NRXN3: variants seen among roughly 807,000 people sequenced by gnomAD.
NRXN3 encodes neurexin III.
Under a neutral mutation model 137.6 loss-of-function variants are expected in NRXN3, and 32 were observed. The observed-to-expected ratio is 0.23, with a 90% confidence interval of 0.18 to 0.31. The LOEUF (loss-of-function observed/expected upper bound fraction) is 0.31, where lower values mean the gene tolerates loss of function less well. Among genes scored for constraint, NRXN3 ranks in the 10% least tolerant of loss-of-function variants. The probability of loss-of-function intolerance (pLI) is 1.00; values close to 1 mark genes in which losing one functional copy is unlikely to be tolerated. For synonymous variants in NRXN3, 798 were observed against 784.5 expected (o/e 1.02, Z -0.29); for missense variants, 1,574 against 2,062.5 (o/e 0.76, Z 4.59).
chr14:78,837,096 TGA>T (rs1400573415), intron 10 of NRXN3, among the ~76,000 whole-genome samples: 1 of 152,216 alleles, frequency 6.6e-6, no homozygotes, highest in African/African-American at 2.4e-5. Context: ...GAGATTAGTG[TGA>T]GAGGCTACAG....
intron 19 of NRXN3, among the ~76,000 whole-genome samples, chr14:79,799,618 C>T (rs781475547): frequency 6.6e-6 from 1 of 152,072 alleles, no homozygotes; most frequent in Non-Finnish European, 1.5e-5. Flanking sequence ...ATAAATAAAC[C>T]GTGTTTTAGA....
intron 6 of NRXN3, among the ~76,000 whole-genome samples, chr14:78,699,046 T>C (rs548293163): frequency 6.6e-6 from 1 of 152,098 alleles, no homozygotes; most frequent in Non-Finnish European, 1.5e-5. Context: ...GTGTCAGGCA[T>C]TGAGAGATAC....
At chr14:78,843,446 T>A (rs1445652986) in intron 10 of NRXN3, among the ~76,000 whole-genome samples, 3 of 151,936 alleles carry the variant, frequency 2.0e-5, no homozygotes, top group Admixed American at 1.3e-4. Flanking sequence ...GATTTGTTCT[T>A]TTATTCAACA....
At chr14:78,332,902 A>G (rs1037136640) in intron 4 of NRXN3, among the ~76,000 whole-genome samples, 1 of 152,192 alleles carries the variant, frequency 6.6e-6, no homozygotes, top group African/African-American at 2.4e-5. Flanking sequence ...GTCTTTGTCA[A>G]CCTACTTGTA....
At chr14:78,820,231 T>C (rs948510435) in intron 10 of NRXN3, among the ~76,000 whole-genome samples, 3 of 148,166 alleles carry the variant, frequency 2.0e-5, no homozygotes, top group African/African-American at 7.3e-5. Context: ...ATGTATAAAG[T>C]ACATATATAC....
At chr14:79,565,293 A>ATGTG (rs1339388290) in intron 16 of NRXN3, among the ~76,000 whole-genome samples, 18 of 130,124 alleles carry the variant, frequency 1.4e-4, no homozygotes, top group African/African-American at 4.5e-4. Flanking sequence ...ATACGCACAC[A>ATGTG]TGTGTATATA....
At position 79,217,056 on chromosome 14, in the gene NRXN3, G is replaced by A. The variant is rs1245528060; in HGVS notation, c.3262+228915G>A. ...GGAGGCTGAGGCTGGAGGATCGCTT[G>A]AAACCAGGAGGCAGAGGTTGCAGTG... On this transcript the variant is annotated intron_variant, in intron 15 of 20. Transcript: ENST00000335750. Among the ~76,000 whole-genome samples, 9 of 152,232 alleles carry A rather than the reference G, an allele frequency of 5.9e-5. No individual in the cohort carries two copies. The South Asian group carries it at 1.0e-3, about 18-fold the overall frequency.
At chr14:79,385,405 C>T (rs2153460667) in intron 15 of NRXN3, among the ~76,000 whole-genome samples, 2 of 152,034 alleles carry the variant, frequency 1.3e-5, no homozygotes, top group East Asian at 3.9e-4. Flanking sequence ...TTTTTTATGG[C>T]TGCATAGTAT....
intron 19 of NRXN3, among the ~76,000 whole-genome samples, chr14:79,722,914 C>G (rs983386390): frequency 1.3e-5 from 2 of 152,052 alleles, no homozygotes; most frequent in African/African-American, 2.4e-5. Context: ...AAGAAATTAT[C>G]AATTAATTTC....
intron 15 of NRXN3, among the ~76,000 whole-genome samples, chr14:79,303,467 T>A (rs2085487921): frequency 6.6e-6 from 1 of 152,036 alleles, no homozygotes; most frequent in Non-Finnish European, 1.5e-5. Context: ...GCATTGGAGT[T>A]AATGGGAATG....
intron 14 of NRXN3, chr14:78,972,984 A>G (rs1468154925): frequency 2.6e-5 from 4 of 152,142 alleles, no homozygotes. Context: ...TCTTTTCTTT[A>G]GAGATCTTCA....
At chr14:79,083,831 C>T (rs896489024) in intron 15 of NRXN3, among the ~76,000 whole-genome samples, 5 of 152,174 alleles carry the variant, frequency 3.3e-5, no homozygotes, top group African/African-American at 1.2e-4. Context: ...GGGAGAATTA[C>T]AACTATCTGA....
intron 15 of NRXN3, among the ~76,000 whole-genome samples, chr14:79,446,630 C>G (rs1326308027): frequency 6.6e-6 from 1 of 152,000 alleles, no homozygotes; most frequent in Non-Finnish European, 1.5e-5. Flanking sequence ...CTCCCTGCCC[C>G]CTCCCTGTCT....
chr14:78,844,717 CTTAG>C lies in NRXN3; in HGVS notation c.2275+34377_2275+34380del, dbSNP rs1364725103. Among the ~76,000 whole-genome samples the C allele has an allele frequency of 7.9e-5, 12 of 152,116 alleles. No homozygotes were observed. The East Asian group carries it at 1.9e-3, about 25-fold the overall frequency. On this transcript the variant is annotated intron_variant, in intron 10 of 20. Coordinates refer to ENST00000335750, the MANE Select transcript of NRXN3 (RefSeq NM_001330195.2). ...AAGACTAGTGTGAGGCTGGCCTATA[CTTAG>C]TTAAGAATTTGTTAAAGTTTGATGA...
intron 16 of NRXN3, among the ~76,000 whole-genome samples, chr14:79,493,099 T>C (rs2096733023): frequency 2.0e-5 from 3 of 152,140 alleles, no homozygotes; most frequent in Non-Finnish European, 4.4e-5. Context: ...TAATTCAAGT[T>C]GGGACACAGA....
rs567712969 is a variant in NRXN3, at chr14:79,552,687, C to T, written c.3444+85285C>T. On this transcript the variant is annotated intron_variant, in intron 16 of 20. Transcript: ENST00000335750. ...ATAATTTTTAGAGGAGATGAGTGGC[C>T]TGGAAGAACAGATGATAGCCTGGGA... Among the ~76,000 whole-genome samples, 3 of 152,136 alleles carry T rather than the reference C, an allele frequency of 2.0e-5. No individual in the cohort carries two copies. In the East Asian group the frequency reaches 5.8e-4, roughly 29 times the overall value.
At chr14:79,131,438 T>C (rs2057455334) in intron 15 of NRXN3, among the ~76,000 whole-genome samples, 1 of 152,054 alleles carries the variant, frequency 6.6e-6, no homozygotes, top group Non-Finnish European at 1.5e-5. Flanking sequence ...TACCCAGCCG[T>C]GTGAGGTGTC....
chr14:78,608,112 G>A (rs1257684023), intron 4 of NRXN3, among the ~76,000 whole-genome samples: 1 of 152,202 alleles, frequency 6.6e-6, no homozygotes, highest in Non-Finnish European at 1.5e-5. Flanking sequence ...CCAGAGACAT[G>A]AAACAGAAGT....
intron 15 of NRXN3, among the ~76,000 whole-genome samples, chr14:79,461,496 C>A (rs575610449): frequency 2.0e-5 from 3 of 152,082 alleles, no homozygotes; most frequent in East Asian, 3.9e-4. Context: ...GAGAGATGAG[C>A]GGCAGAGGAA....
Sources: gnomAD v4.1 joint callset for allele counts (sites outside exome capture counted in the v4.1 genomes callset) on GRCh38, gnomAD v4.1.1 for gene constraint, MANE v1.5 for transcripts, NCBI Gene and HGNC (gene_info 2026-07-23, HGNC 2026-07-21) for gene names.